The following RAB37 variants were observed in gnomAD, a reference collection of about 807,000 sequenced individuals.
RAB37 encodes the protein ras-related protein Rab-37.
In RAB37, 29 loss-of-function variants were observed where a neutral mutation model predicts 33.1. The ratio of observed to expected loss-of-function variants is 0.88; its 90% confidence interval spans 0.65 to 1.20. The LOEUF (loss-of-function observed/expected upper bound fraction) is 1.20. Among genes scored for constraint, RAB37 ranks in the 50% most tolerant of loss-of-function variants. RAB37 has a pLI of 0.00. For missense variants in RAB37, 299 were observed against 301.1 expected, an observed-to-expected ratio of 0.99 and a Z score of 0.05; for synonymous variants, 128 against 119.5, an observed-to-expected ratio of 1.07 and a Z score of -0.47.
intron 1 of RAB37, among the ~76,000 whole-genome samples, chr17:74,696,390 C>T (rs544267952): frequency 6.6e-6 from 1 of 152,338 alleles, no homozygotes; most frequent in South Asian, 2.1e-4. Context: ...TGACATTCGT[C>T]ATGTCACCTC....
chr17:74,678,394 C>A (rs1449982860), intron 1 of RAB37, among the ~76,000 whole-genome samples: 1 of 152,132 alleles, frequency 6.6e-6, no homozygotes. Context: ...TAACTTGAGA[C>A]GTGCAGGGCT....
chr17:74,682,773 G>T (rs1481359955), intron 1 of RAB37, among the ~76,000 whole-genome samples: 1 of 152,210 alleles, frequency 6.6e-6, no homozygotes, highest in Non-Finnish European at 1.5e-5. Context: ...TTGTGGTGGT[G>T]CATGCCTGCA....
upstream of RAB37, among the ~76,000 whole-genome samples, chr17:74,733,359 T>C (rs1466076975): frequency 6.6e-6 from 1 of 151,554 alleles, no homozygotes; most frequent in Admixed American, 6.6e-5. Flanking sequence ...TGTGTATTTA[T>C]GGTATGATGT....
chr17:74,727,639 G>A (rs1386434366), intron 1 of RAB37, among the ~76,000 whole-genome samples: 3 of 152,236 alleles, frequency 2.0e-5, no homozygotes, highest in Non-Finnish European at 4.4e-5. Flanking sequence ...TTCAGAGCAC[G>A]GCAGTGGGGA....
chr17:74,730,090 C>T lies in RAB37; in HGVS notation c.183+724C>T, dbSNP rs575981490. Among the ~76,000 whole-genome samples the T allele has an allele frequency of 1.3e-5, 2 of 152,200 alleles. No individual in the cohort carries two copies. The highest frequency in any genetic ancestry group is 6.5e-5 in the Admixed American group (1 of 15,284). On this transcript the variant is annotated intron_variant, in intron 2 of 7. Coordinates refer to the RAB37 transcript ENST00000340415. The surrounding 1 kb of genome is among the most constrained non-coding windows in gnomAD (Gnocchi z 4.4). ...CTTTACCACACATCCCATCTCCCCG[C>T]GTTGTCCCGTGCCTGCGGCTGCAGC...
chr17:74,713,465 C>T (rs1367176402), intron 1 of RAB37, among the ~76,000 whole-genome samples: 2 of 152,106 alleles, frequency 1.3e-5, no homozygotes, highest in East Asian at 1.9e-4. Context: ...CTTCGTGGCT[C>T]CTCTGTCATG....
chr17:74,720,851 G>A (rs185524487), intron 1 of RAB37, among the ~76,000 whole-genome samples: 14 of 152,218 alleles, frequency 9.2e-5, no homozygotes, highest in African/African-American at 1.2e-4. Flanking sequence ...TGATGAATGC[G>A]GAGATTTTAT....
Position 74,737,342 on chromosome 17 carries a change from C to G in RAB37, c.70C>G (p.Pro24Ala). 6.3e-7 allele frequency: 1 copy of G among 1,577,356 alleles called. No homozygotes were observed. Residue 24 changes from proline to alanine, a missense_variant, in exon 1 of 9, where the codon CCG becomes GCG. By Grantham distance (27) the Pro-to-Ala change is conservative. Coordinates refer to ENST00000392613, the MANE Select transcript of RAB37 (RefSeq NM_001006638.3). ...EAPERSPPCS[P>A]SYDLTGKVML... The stretch of plus-strand genomic sequence containing the variant: ...CCCCGAGCGCTCCCCGCCCTGCAGT[C>G]CGAGCTACGACCTCACGGGCAAGGT...
chr17:74,700,181 A>C (rs1408644921), intron 1 of RAB37, among the ~76,000 whole-genome samples: 1 of 151,760 alleles, frequency 6.6e-6, no homozygotes, highest in Non-Finnish European at 1.5e-5. Flanking sequence ...ACAAACAAAC[A>C]AACAATCAAA....
At chr17:74,711,235 A>G (rs2033939354) in intron 1 of RAB37, among the ~76,000 whole-genome samples, 1 of 151,998 alleles carries the variant, frequency 6.6e-6, no homozygotes, top group Non-Finnish European at 1.5e-5. Context: ...TCCGGGCTCC[A>G]TGTTGGCGCC....
At chr17:74,712,132 G>T (rs1207630414) in intron 1 of RAB37, among the ~76,000 whole-genome samples, 2 of 151,892 alleles carry the variant, frequency 1.3e-5, no homozygotes, top group Non-Finnish European at 2.9e-5. Flanking sequence ...AGCTGGTCTC[G>T]AATCCCTGAG....
intron 1 of RAB37, chr17:74,712,770 C>T: frequency 1.2e-6 from 2 of 1,602,648 alleles, no homozygotes; most frequent in South Asian, 2.2e-5. Flanking sequence ...CTCTCTCAGC[C>T]ACCTCCTCCT....
chr17:74,705,171 A>C (rs762828068), intron 1 of RAB37: 4 of 694,626 alleles, frequency 5.8e-6, no homozygotes, highest in Non-Finnish European at 1.1e-5. Flanking sequence ...GTGGGGAGGA[A>C]ATACCAGGAG....
intron 1 of RAB37, chr17:74,696,123 TGA>T: frequency 6.5e-7 from 1 of 1,544,840 alleles, no homozygotes; most frequent in South Asian, 1.2e-5. Context: ...TTGGACCTTC[TGA>T]GAGATGGAAA....
chr17:74,739,853 T>C (rs569735424), intron 1 of RAB37, among the ~76,000 whole-genome samples: 4 of 152,064 alleles, frequency 2.6e-5, no homozygotes, highest in Admixed American at 1.3e-4. Context: ...TTAATAAACA[T>C]AAAATGTCAT....
chr17:74,688,030 T>G (rs910801294), intron 1 of RAB37, among the ~76,000 whole-genome samples: 1 of 152,218 alleles, frequency 6.6e-6, no homozygotes, highest in Non-Finnish European at 1.5e-5. Flanking sequence ...AGAAACTTTG[T>G]TAAGCAACCC....
At chr17:74,741,757 C>T (rs1020877935) in intron 2 of RAB37, among the ~76,000 whole-genome samples, 1 of 152,136 alleles carries the variant, frequency 6.6e-6, no homozygotes, top group African/African-American at 2.4e-5. Context: ...AGGTGGGGCT[C>T]TACAGCTTCA....
rs915614275 is a variant in RAB37, at chr17:74,738,369, G to A, written c.93+1004G>A. On this transcript the variant is annotated intron_variant, in intron 1 of 8. Transcript: ENST00000392613. The surrounding 1 kb of genome is among the most constrained non-coding windows in gnomAD (Gnocchi z 5.0). ...TCCGCCCAGAGCCGTTGAGATAGGCGTCCTGTGTGGGCTTGTGGCAGGAAA... is the reference window on the plus strand; with the variant it reads ...TCCGCCCAGAGCCGTTGAGATAGGCATCCTGTGTGGGCTTGTGGCAGGAAA... 6.6e-6 allele frequency among the ~76,000 whole-genome samples: 1 copy of A among 152,170 alleles called. No individual in the cohort carries two copies. The highest frequency in any genetic ancestry group is 1.5e-5 in the Non-Finnish European group (1 of 68,040).
intron 1 of RAB37, among the ~76,000 whole-genome samples, chr17:74,728,720 G>A (rs543322788): frequency 1.4e-3 from 215 of 151,846 alleles, no homozygotes; most frequent in African/African-American, 4.7e-3. Flanking sequence ...TGTGTGTTCT[G>A]TGCATATATG....
Sources: allele counts gnomAD v4.1 joint callset (sites outside exome capture counted in the v4.1 genomes callset), GRCh38; gene constraint gnomAD v4.1.1; non-coding constraint Gnocchi (gnomAD v3.1); transcripts MANE v1.5; gene names NCBI Gene and HGNC (gene_info 2026-07-23, HGNC 2026-07-21).